The following VPS13B variants were observed in gnomAD, a reference collection of about 807,000 sequenced individuals.
VPS13B encodes vacuolar protein sorting 13 homolog B, also known as intermembrane lipid transfer protein VPS13B.
In VPS13B, 285 loss-of-function variants were observed where a neutral mutation model predicts 426.4. The ratio of observed to expected loss-of-function variants is 0.67; its 90% CI spans 0.61 to 0.74. The LOEUF is 0.74. VPS13B is among the 30% of genes least tolerant of loss of function. The probability of loss-of-function intolerance (pLI) is 0.00; values close to 1 mark genes in which losing one functional copy is unlikely to be tolerated. For missense variants in VPS13B, 4,537 were observed against 4,782.6 expected, an observed-to-expected ratio of 0.95 and a Z score of 1.51; for synonymous variants, 1,676 against 1,676.4, an observed-to-expected ratio of 1.00 and a Z score of 0.01.
chr8:99,395,735 T>C (rs192549735), intron 21 of VPS13B, among the ~76,000 whole-genome samples: 25 of 151,904 alleles, frequency 1.6e-4, no homozygotes, highest in African/African-American at 5.8e-4. Flanking sequence ...TGCAAAGGAG[T>C]GAGAACTACA....
chr8:99,757,820 T>C (rs540385485), intron 39 of VPS13B, among the ~76,000 whole-genome samples: 1 of 152,348 alleles, frequency 6.6e-6, no homozygotes, highest in South Asian at 2.1e-4. Context: ...TTATTATGTA[T>C]GGCTGGCTAA....
At chr8:99,096,531 G>A (rs1846430964) in intron 4 of VPS13B, 99 bp downstream of exon 4, 2 of 1,532,558 alleles carry the variant, frequency 1.3e-6, no homozygotes, top group Non-Finnish European at 1.8e-6. Flanking sequence ...TGAGGCGGGT[G>A]GATTACTTGA....
intron 30 of VPS13B, among the ~76,000 whole-genome samples, chr8:99,525,234 A>G (rs1358099934): frequency 6.6e-6 from 1 of 151,496 alleles, no homozygotes; most frequent in Non-Finnish European, 1.5e-5. Context: ...TAGACAGTAC[A>G]ATAAGATATA....
At chr8:99,100,344 G>A (rs1249946157) in intron 4 of VPS13B, among the ~76,000 whole-genome samples, 1 of 152,176 alleles carries the variant, frequency 6.6e-6, no homozygotes, top group Non-Finnish European at 1.5e-5. Flanking sequence ...AGGCTGGAGT[G>A]TGATGGTGCA....
chr8:99,038,610 G>T, intron 3 of VPS13B, 44 bp downstream of exon 3: 2 of 1,438,072 alleles, frequency 1.4e-6, no homozygotes, highest in East Asian at 3.1e-5. Context: ...ACTAATTTTA[G>T]TAGTATTTGA....
intron 2 of VPS13B, among the ~76,000 whole-genome samples, chr8:99,016,614 C>T (rs1287328553): frequency 1.8e-4 from 18 of 101,188 alleles, no homozygotes; most frequent in Middle Eastern, 0.012. Flanking sequence ...TTTTTTGAGA[C>T]GGAGTCTCGC....
intron 34 of VPS13B, among the ~76,000 whole-genome samples, chr8:99,654,737 G>GT (rs1229920744): frequency 2.6e-5 from 4 of 151,850 alleles, no homozygotes; most frequent in Non-Finnish European, 5.9e-5. Flanking sequence ...ACAAATAAAT[G>GT]TATCATACTA....
chr8:99,542,264 C>T (rs897462999), intron 30 of VPS13B, among the ~76,000 whole-genome samples: 3 of 152,090 alleles, frequency 2.0e-5, no homozygotes, highest in African/African-American at 7.2e-5. Flanking sequence ...CACATCATTG[C>T]TCTTTAGAAT....
At chr8:99,164,467 G>A (rs1477133106) in intron 15 of VPS13B, among the ~76,000 whole-genome samples, 5 of 152,322 alleles carry the variant, frequency 3.3e-5, no homozygotes, top group Non-Finnish European at 5.9e-5. Flanking sequence ...TCTCAGCAGT[G>A]AGGAGGTCTA....
At chr8:99,538,745 A>T (rs992170418) in intron 30 of VPS13B, among the ~76,000 whole-genome samples, 1 of 152,218 alleles carries the variant, frequency 6.6e-6, no homozygotes, top group African/African-American at 2.4e-5. Flanking sequence ...CAATTTTATT[A>T]TCTTACTTAT....
intron 61 of VPS13B, among the ~76,000 whole-genome samples, chr8:99,874,240 T>C (rs1240178646): frequency 2.0e-5 from 3 of 152,196 alleles, no homozygotes; most frequent in Non-Finnish European, 2.9e-5. Context: ...TTTTTGTGTA[T>C]TCAAAGCTTT....
intron 41 of VPS13B, among the ~76,000 whole-genome samples, chr8:99,777,587 C>A (rs1667633): frequency 0.12 from 17,647 of 152,132 alleles, 1,727 homozygotes; most frequent in East Asian, 0.4. Context: ...ATATCAGATC[C>A]CTTTGAAAGA....
chr8:99,078,320 C>CT (rs894206772), intron 3 of VPS13B, among the ~76,000 whole-genome samples: 1 of 140,972 alleles, frequency 7.1e-6, no homozygotes, highest in South Asian at 2.4e-4. Context: ...TTGGGAAAGA[C>CT]TTTTTTTCTT....
At chr8:99,706,003 C>A (rs993133158) in intron 36 of VPS13B, among the ~76,000 whole-genome samples, 53 of 152,094 alleles carry the variant, frequency 3.5e-4, no homozygotes, top group African/African-American at 1.2e-3. Flanking sequence ...GAGAGATAAC[C>A]ATCTCTGACT....
intron 4 of VPS13B, 30 bp downstream of exon 4, chr8:99,096,462 A>G: frequency 6.2e-7 from 1 of 1,612,934 alleles, no homozygotes; most frequent in Non-Finnish European, 8.5e-7. Flanking sequence ...ATAAAACCAA[A>G]TTTCAATTTT....
At chr8:99,139,659 G>A (rs940106694) in intron 12 of VPS13B, among the ~76,000 whole-genome samples, 3 of 151,664 alleles carry the variant, frequency 2.0e-5, no homozygotes, top group Non-Finnish European at 2.9e-5. Context: ...GGATGGTCTC[G>A]ATCTCCTGAC....
At chr8:99,139,360 A>C (rs906636786) in intron 12 of VPS13B, among the ~76,000 whole-genome samples, 3 of 152,142 alleles carry the variant, frequency 2.0e-5, no homozygotes, top group Non-Finnish European at 2.9e-5. Flanking sequence ...CCAAGATCAC[A>C]CACAGTATGT....
intron 39 of VPS13B, among the ~76,000 whole-genome samples, chr8:99,729,288 CA>C: frequency 6.6e-6 from 1 of 152,334 alleles, no homozygotes; most frequent in South Asian, 2.1e-4. Flanking sequence ...CTCTCACTGA[CA>C]AAAATTGACT....
intron 3 of VPS13B, among the ~76,000 whole-genome samples, chr8:99,048,549 T>A (rs965138791): frequency 1.3e-5 from 2 of 152,164 alleles, no homozygotes; most frequent in African/African-American, 4.8e-5. Flanking sequence ...GTGAGGTTGC[T>A]CATGCCTGTA....
Sources: allele counts gnomAD v4.1 joint callset (sites outside exome capture counted in the v4.1 genomes callset), GRCh38; gene constraint gnomAD v4.1.1; transcripts MANE v1.5; gene names NCBI Gene and HGNC (gene_info 2026-07-23, HGNC 2026-07-21).